Variants in CSGALNACT1 observed in about 807,000 individuals in gnomAD.
The protein encoded by CSGALNACT1 is chondroitin sulfate N-acetylgalactosaminyltransferase 1.
A neutral mutation model predicts 51.0 loss-of-function variants in CSGALNACT1; 52 were observed. The observed-to-expected ratio is 1.02, with a 90% confidence interval of 0.82 to 1.29. The LOEUF (loss-of-function observed/expected upper bound fraction) is 1.29, where lower values mean the gene tolerates loss of function less well. CSGALNACT1 is among the 50% of genes most tolerant of loss of function. CSGALNACT1 has a pLI of 0.00. For missense variants in CSGALNACT1, 935 were observed against 679.2 expected, an observed-to-expected ratio of 1.38 and a Z score of -4.19; for synonymous variants, 341 against 254.4, an observed-to-expected ratio of 1.34 and a Z score of -3.24.
At chr8:19,475,727 A>G (rs2069430017) in intron 4 of CSGALNACT1, among the ~76,000 whole-genome samples, 1 of 152,224 alleles carries the variant, frequency 6.6e-6, no homozygotes, top group African/African-American at 2.4e-5. Flanking sequence ...TTTTCACAGA[A>G]TAATCTGCTC....
intron 5 of CSGALNACT1, among the ~76,000 whole-genome samples, chr8:19,451,769 G>C (rs1055489298): frequency 1.3e-5 from 2 of 152,128 alleles, no homozygotes; most frequent in South Asian, 4.1e-4. Flanking sequence ...TCTTTTCTAG[G>C]TAAATAATTA....
Position 19,630,230 on chromosome 8 carries a change from GTGTGTGTGTGTGTA to G in CSGALNACT1, c.-543-28379_-543-28366del, listed in dbSNP as rs1461679307. Among the ~76,000 whole-genome samples, 257 of 144,046 alleles carry G rather than the reference GTGTGTGTGTGTGTA, an allele frequency of 1.8e-3. 2 individuals are homozygous for G. Among genetic ancestry groups the G allele is most frequent in the Middle Eastern group, 3.4e-3 (1 of 292 alleles). 94.5% of individuals were successfully genotyped at this position (144,046 alleles called of 152,430 possible). ...TGTGTGTGTGTGTGTGTGTGTGTGT[GTGTGTGTGTGTGTA>G]TGTGTGTGTGTTCTAGTAAAATTTT... is the stretch of plus-strand genomic sequence containing the variant. On this transcript the variant is annotated intron_variant, in intron 1 of 9. Transcript: ENST00000332246.
chr8:19,705,165 G>T (rs2062087577), intron 1 of CSGALNACT1, among the ~76,000 whole-genome samples: 1 of 152,112 alleles, frequency 6.6e-6, no homozygotes, highest in Admixed American at 6.5e-5. Context: ...GCATCACATT[G>T]TACACCTTAA....
At chr8:19,660,554 G>A (rs866200990) in intron 1 of CSGALNACT1, among the ~76,000 whole-genome samples, 1 of 152,138 alleles carries the variant, frequency 6.6e-6, no homozygotes, top group Non-Finnish European at 1.5e-5. Flanking sequence ...GGGGGTAACT[G>A]TAGCCCCAAC....
chr8:19,632,879 C>T lies in CSGALNACT1; in HGVS notation c.-543-31014G>A, dbSNP rs1012482254. On this transcript the variant is annotated intron_variant, in intron 1 of 9. Transcript: ENST00000332246. Reference sequence around the variant, plus strand: ...CATTGATCCTCCTGCCTTAGCCTCTCAAGTAGCTGGGACTACAGGCTTGCA... The same window carrying T: ...CATTGATCCTCCTGCCTTAGCCTCTTAAGTAGCTGGGACTACAGGCTTGCA... Among the ~76,000 whole-genome samples, 4 of 151,996 alleles carry T rather than the reference C, an allele frequency of 2.6e-5. No individual in the cohort carries two copies. The East Asian group carries it at 5.8e-4, about 22-fold the overall frequency.
intron 1 of CSGALNACT1, among the ~76,000 whole-genome samples, chr8:19,735,121 C>A (rs1289043923): frequency 1.3e-5 from 2 of 151,978 alleles, no homozygotes; most frequent in Non-Finnish European, 2.9e-5. Flanking sequence ...AATGCAGCAG[C>A]CTTAGGAGGT....
chr8:19,510,082 T>C (rs2078179424), intron 3 of CSGALNACT1, among the ~76,000 whole-genome samples: 1 of 152,138 alleles, frequency 6.6e-6, no homozygotes, highest in African/African-American at 2.4e-5. Flanking sequence ...ATCCTTATGC[T>C]CATCAGGTTT....
intron 3 of CSGALNACT1, among the ~76,000 whole-genome samples, chr8:19,509,383 G>T (rs1420352084): frequency 6.6e-6 from 1 of 152,010 alleles, no homozygotes; most frequent in Non-Finnish European, 1.5e-5. Context: ...ACTTTGGGAG[G>T]CCAAGACTGG....
intron 1 of CSGALNACT1, among the ~76,000 whole-genome samples, chr8:19,643,488 A>G (rs958205973): frequency 2.0e-5 from 3 of 152,116 alleles, no homozygotes; most frequent in African/African-American, 7.2e-5. Flanking sequence ...AATACAAAAA[A>G]TTAGCTGGGT....
chr8:19,669,481 T>C (rs1019705845), intron 1 of CSGALNACT1, among the ~76,000 whole-genome samples: 9 of 152,196 alleles, frequency 5.9e-5, no homozygotes, highest in Admixed American at 2.0e-4. Context: ...AGATGGAGTC[T>C]CCCTCTGTCA....
chr8:19,418,582 C>T, intron 8 of CSGALNACT1, 74 bp downstream of exon 7: 1 of 981,570 alleles, frequency 1.0e-6, no homozygotes, highest in Non-Finnish European at 1.6e-6. Context: ...CACCTTTGCT[C>T]ATGGTCAGGT....
chr8:19,740,765 G>A (rs10217024), intron 1 of CSGALNACT1, among the ~76,000 whole-genome samples: 20,025 of 152,128 alleles, frequency 0.13, 1,450 homozygotes, highest in Non-Finnish European at 0.15. Context: ...TTACCCCTGG[G>A]GTGAGGGAGT....
intron 3 of CSGALNACT1, among the ~76,000 whole-genome samples, chr8:19,577,191 G>A (rs1420291880): frequency 6.6e-6 from 1 of 152,098 alleles, no homozygotes; most frequent in Non-Finnish European, 1.5e-5. Flanking sequence ...AGTTGTGCTT[G>A]GCCTTGGAGA....
intron 3 of CSGALNACT1, among the ~76,000 whole-genome samples, chr8:19,537,734 T>G (rs964183440): frequency 2.0e-5 from 3 of 152,124 alleles, no homozygotes; most frequent in Non-Finnish European, 4.4e-5. Flanking sequence ...GTCTCACACC[T>G]CATACAAAAA....
At chr8:19,717,170 T>C (rs1020354306) in intron 1 of CSGALNACT1, among the ~76,000 whole-genome samples, 1 of 152,222 alleles carries the variant, frequency 6.6e-6, no homozygotes, top group Non-Finnish European at 1.5e-5. Flanking sequence ...AGAGGAGGAA[T>C]GGAATTAACT....
intron 1 of CSGALNACT1, among the ~76,000 whole-genome samples, chr8:19,664,957 C>T (rs183863445): frequency 2.0e-5 from 3 of 152,270 alleles, no homozygotes; most frequent in Admixed American, 6.5e-5. Flanking sequence ...GTGATGGCTA[C>T]AGTAAAAGTA....
intron 1 of CSGALNACT1, among the ~76,000 whole-genome samples, chr8:19,733,457 G>T (rs1451806213): frequency 1.3e-5 from 2 of 151,934 alleles, no homozygotes; most frequent in African/African-American, 4.8e-5. Flanking sequence ...CCCTATGCAG[G>T]ATAACTACCA....
chr8:19,605,351 A>G (rs1308277466), upstream of CSGALNACT1, among the ~76,000 whole-genome samples: 1 of 152,116 alleles, frequency 6.6e-6, no homozygotes, highest in Admixed American at 6.5e-5. Flanking sequence ...CATGAGAATG[A>G]CTGGAATCTA....
chr8:19,649,253 A>G (rs1206333173), intron 1 of CSGALNACT1, among the ~76,000 whole-genome samples: 2 of 152,180 alleles, frequency 1.3e-5, no homozygotes, highest in African/African-American at 2.4e-5. Flanking sequence ...AGGTATGACT[A>G]CAAAGAACCT....
Sources: allele counts gnomAD v4.1 joint callset (sites outside exome capture counted in the v4.1 genomes callset), GRCh38; gene constraint gnomAD v4.1.1; transcripts MANE v1.5; gene names NCBI Gene and HGNC (gene_info 2026-07-23, HGNC 2026-07-21).